The following NUP155 variants were observed in gnomAD, a reference collection of about 807,000 sequenced individuals.
NUP155 encodes the protein nuclear pore complex protein Nup155.
In NUP155, 71 loss-of-function variants were observed where a neutral mutation model predicts 180.4. That is an observed-to-expected ratio of 0.39 (90% confidence interval 0.33 to 0.48). NUP155 has a LOEUF of 0.48. Ranked by LOEUF, NUP155 falls within the 20% of genes least tolerant of loss-of-function variation. The probability of loss-of-function intolerance (pLI) is 0.91; values close to 1 mark genes in which losing one functional copy is unlikely to be tolerated. For synonymous variants in NUP155, 582 were observed against 559.5 expected (o/e 1.04, Z -0.57); for missense variants, 1,553 against 1,648.9 (o/e 0.94, Z 1.01).
chr5:37,298,719 G>C, intron 32 of NUP155, 149 bp downstream of exon 32: 3 of 648,206 alleles, frequency 4.6e-6, no homozygotes. Context: ...GCCATTCTTT[G>C]GAAGTCTTTC....
chr5:37,367,885 G>A (rs563006911), intron 1 of NUP155, among the ~76,000 whole-genome samples: 1 of 152,202 alleles, frequency 6.6e-6, no homozygotes, highest in East Asian at 1.9e-4. Flanking sequence ...CCTGGTTCAA[G>A]CGATTGTCCT....
At chr5:37,295,468 C>A (rs1173299885) in intron 32 of NUP155, among the ~76,000 whole-genome samples, 1 of 151,990 alleles carries the variant, frequency 6.6e-6, no homozygotes, top group Non-Finnish European at 1.5e-5. Context: ...CCGGCCGCCA[C>A]CCTGTCTGGG....
At position 37,324,124 on chromosome 5, in the gene NUP155, T is replaced by G; in HGVS notation, c.2092-17A>C. The G allele has an allele frequency of 6.4e-7, 1 of 1,556,190 alleles. No homozygotes were observed. The highest frequency in any genetic ancestry group is 2.2e-5 in the East Asian group (1 of 44,526). On this transcript the variant is annotated splice_polypyrimidine_tract_variant and intron_variant, in intron 19 of 34. Coordinates refer to ENST00000231498, the MANE Select transcript of NUP155 (RefSeq NM_153485.3). Reference sequence around the variant, plus strand: ...ACTTTCAATCTGTAAAAATGAAAGATTTTTCAAAAGTTTAAAAACACACCC... The same window carrying G: ...ACTTTCAATCTGTAAAAATGAAAGAGTTTTCAAAAGTTTAAAAACACACCC...
At chr5:37,336,975 C>T (rs540162447) in intron 12 of NUP155, among the ~76,000 whole-genome samples, 12 of 152,314 alleles carry the variant, frequency 7.9e-5, no homozygotes, top group Non-Finnish European at 1.6e-4. Flanking sequence ...GAGTACCAGA[C>T]ATTCACACCC....
At chr5:37,314,120 C>T in intron 22 of NUP155, 78 bp downstream of exon 22, 3 of 1,058,778 alleles carry the variant, frequency 2.8e-6, no homozygotes, top group Non-Finnish European at 4.2e-6. Context: ...AAATAATCCC[C>T]TCCAAAGCCA....
At chr5:37,306,329 G>A (rs1196617808) in intron 25 of NUP155, among the ~76,000 whole-genome samples, 2 of 152,110 alleles carry the variant, frequency 1.3e-5, no homozygotes, top group South Asian at 2.1e-4. Flanking sequence ...GATCACTTGA[G>A]CCCAAAAGGT....
chr5:37,312,269 C>G (rs555727536), intron 22 of NUP155, among the ~76,000 whole-genome samples: 2 of 151,986 alleles, frequency 1.3e-5, no homozygotes, highest in South Asian at 4.1e-4. Context: ...GTATTCTATT[C>G]TTCCTCAAAA....
intron 32 of NUP155, among the ~76,000 whole-genome samples, chr5:37,295,875 T>TG (rs1162312967): frequency 7.2e-5 from 9 of 125,768 alleles, no homozygotes; most frequent in African/African-American, 2.7e-4. Flanking sequence ...GGGAGGGAGG[T>TG]TGGGGGGTCA....
chr5:37,327,580 C>G (rs1037822574), intron 18 of NUP155, 49 bp downstream of exon 18: 2 of 1,603,362 alleles, frequency 1.2e-6, no homozygotes, highest in African/African-American at 2.7e-5. Context: ...TTTAACTACT[C>G]AAGATGGGAC....
chr5:37,362,915 T>C (rs1747312651), intron 3 of NUP155, among the ~76,000 whole-genome samples: 1 of 152,132 alleles, frequency 6.6e-6, no homozygotes, highest in African/African-American at 2.4e-5. Flanking sequence ...TACAGTGTTT[T>C]GTTGTTGTTG....
intron 12 of NUP155, among the ~76,000 whole-genome samples, chr5:37,334,723 G>A (rs921061709): frequency 6.6e-6 from 1 of 151,998 alleles, no homozygotes; most frequent in Non-Finnish European, 1.5e-5. Flanking sequence ...AAATCTTTTT[G>A]TACTAGAGGA....
At chr5:37,296,551 G>A (rs2150937772) in intron 32 of NUP155, among the ~76,000 whole-genome samples, 1 of 136,998 alleles carries the variant, frequency 7.3e-6, no homozygotes, top group South Asian at 2.4e-4. Flanking sequence ...AAACGCTGCG[G>A]AAGGCAGCCG....
chr5:37,357,992 C>A, intron 4 of NUP155, 89 bp downstream of exon 4: 1 of 942,014 alleles, frequency 1.1e-6, no homozygotes, highest in Non-Finnish European at 1.7e-6. Context: ...GACTCCATCT[C>A]GAAAAAAATG....
At chr5:37,312,816 C>CG (rs1561776391) in intron 22 of NUP155, among the ~76,000 whole-genome samples, 1 of 151,928 alleles carries the variant, frequency 6.6e-6, no homozygotes, top group African/African-American at 2.4e-5. Flanking sequence ...GGTGACAGAG[C>CG]GAGACACTGT....
chr5:37,340,216 G>A (rs766999704), intron 11 of NUP155, among the ~76,000 whole-genome samples: 2 of 152,110 alleles, frequency 1.3e-5, no homozygotes, highest in South Asian at 2.1e-4. Context: ...CAATGCAGAC[G>A]GATCACTTGA....
chr5:37,364,044 C>A, intron 2 of NUP155, 60 bp from the exon 3 acceptor site: 1 of 1,346,836 alleles, frequency 7.4e-7, no homozygotes, highest in South Asian at 1.2e-5. Context: ...TAACTTGTTT[C>A]AATAGCTTTT....
In NUP155 at chr5:37,291,634, AAG is replaced by A; in HGVS notation, c.*264_*265del. On this transcript the variant is annotated 3_prime_UTR_variant, in exon 35 of 35. Coordinates refer to ENST00000231498, the MANE Select transcript of NUP155 (RefSeq NM_153485.3). ...TTCTGCCTGCAGTACAATTCAAAAT[AAG>A]AGTTTCTAAATTTTTTTAATCCTTA... The A allele has an allele frequency of 3.0e-6, 1 of 331,514 alleles. No individual in the cohort carries two copies. The highest frequency in any genetic ancestry group is 3.5e-5 in the South Asian group (1 of 28,800). 20.5% of individuals were successfully genotyped at this position (331,514 alleles called of 1,614,324 possible).
chr5:37,331,530 C>T lies in NUP155; in HGVS notation c.1629+155G>A, dbSNP rs572453944. On this transcript the variant is annotated intron_variant, in intron 14 of 34. Transcript: ENST00000231498. ...CAGAGGTTGCAGTGAGCCAAGATTG[C>T]GCCATTGCACTCCTGCCTGGGCAAC... Among the ~76,000 whole-genome samples, 17 of 152,284 alleles carry T rather than the reference C, an allele frequency of 1.1e-4. No homozygotes were observed. In the South Asian group the frequency reaches 1.2e-3, roughly 11 times the overall value.
In NUP155 at chr5:37,313,504, T is replaced by TGA. The variant is rs1554126192; in HGVS notation, c.2436+692_2436+693dup. Reference sequence around the variant, plus strand: ...GTGTGTGTGTGTGTGTGTGTGTGTGTGAGAGAGACAGAGAGAGACAGGGTC... The same window carrying TGA: ...GTGTGTGTGTGTGTGTGTGTGTGTGTGAGAGAGAGACAGAGAGAGACAGGGTC... On this transcript the variant is annotated intron_variant, in intron 22 of 34. Coordinates refer to ENST00000231498, the MANE Select transcript of NUP155 (RefSeq NM_153485.3). 4.6e-3 allele frequency among the ~76,000 whole-genome samples: 600 copies of TGA among 129,208 alleles called. 4 individuals carry two copies. Among genetic ancestry groups the TGA allele is most frequent in the African/African-American group, 0.015 (523 of 34,542 alleles). The allele number at this position is 129,208 out of a possible 152,430, so 84.8% of individuals were successfully genotyped here. A position where few individuals can be genotyped will look rare whatever the true frequency, so the allele number is the denominator to read the frequency against.
Sources: allele counts gnomAD v4.1 joint callset (sites outside exome capture counted in the v4.1 genomes callset), GRCh38; gene constraint gnomAD v4.1.1; transcripts MANE v1.5; gene names NCBI Gene and HGNC (gene_info 2026-07-23, HGNC 2026-07-21).